MOG: variants seen among roughly 807,000 people sequenced by gnomAD.
The protein encoded by MOG is myelin-oligodendrocyte glycoprotein.
Under a neutral mutation model 35.9 loss-of-function variants are expected in MOG, and 20 were observed. The observed-to-expected ratio is 0.56, with a 90% CI of 0.39 to 0.81. MOG has a LOEUF of 0.81. MOG is among the 30% of genes least tolerant of loss of function. The pLI is 0.00. For synonymous variants in MOG, 92 were observed against 114.3 expected (o/e 0.80, Z 1.25); for missense variants, 251 against 301.0 (o/e 0.83, Z 1.23).
intron 5 of MOG, 134 bp downstream of exon 5, chr6:29,668,058 A>G: frequency 1.2e-6 from 1 of 838,172 alleles, no homozygotes; most frequent in Non-Finnish European, 2.0e-6. Context: ...TTTAAATAAG[A>G]AGTCATTTGC....
intron 3 of MOG, among the ~76,000 whole-genome samples, chr6:29,667,056 C>T (rs1179447543): frequency 6.6e-6 from 1 of 152,216 alleles, no homozygotes; most frequent in East Asian, 1.9e-4. Flanking sequence ...GCCCTCATGG[C>T]TGAGCAGAAA....
In MOG at chr6:29,671,719, A is replaced by C; in HGVS notation, c.*534A>C. ...GAGGATATGAGTAGCCCCAACCCAA[A>C]CCTGGAGATGGGGAGAAACCTACAG... On this transcript the variant is annotated 3_prime_UTR_variant, in exon 8 of 8. Transcript: ENST00000376917. The C allele has an allele frequency of 1.8e-6, 1 of 542,134 alleles. No individual in the cohort carries two copies. The highest frequency in any genetic ancestry group is 3.3e-6 in the Non-Finnish European group (1 of 305,034). 33.6% of individuals were successfully genotyped at this position (542,134 alleles called of 1,614,324 possible). A position where few individuals can be genotyped will look rare whatever the true frequency, so the allele number is the denominator to read the frequency against.
intron 2 of MOG, among the ~76,000 whole-genome samples, chr6:29,665,860 C>T (rs895925624): frequency 3.9e-4 from 59 of 152,000 alleles, no homozygotes; most frequent in African/African-American, 1.4e-3. Flanking sequence ...ATAAAAAGTC[C>T]CTTGAGGGAC....
At chr6:29,659,212 T>C in intron 1 of MOG, 107 bp from the exon 2 acceptor site, 1 of 933,834 alleles carries the variant, frequency 1.1e-6, no homozygotes, top group Non-Finnish European at 1.7e-6. Flanking sequence ...CATTTAAAAG[T>C]CGAGTGTCTT....
In MOG at chr6:29,659,574, G is replaced by A. The variant is rs376255591; in HGVS notation, c.344G>A (p.Arg115Gln). The change falls in exon 2 of 8, where the codon CGG becomes CAG. Residue 115 changes from arginine (R) to glutamine (Q), a missense_variant. Coordinates refer to ENST00000376917, the MANE Select transcript of MOG (RefSeq NM_206809.4). ...IGEGKVTLRI[R>Q]NVRFSDEGGF... ...GAGGGAAAGGTGACTCTCAGGATCC[G>A]GAATGTAAGGTTCTCAGATGAAGGA... The A allele has an allele frequency of 1.7e-5, 27 of 1,612,932 alleles. No individual in the cohort carries two copies. The highest frequency in any genetic ancestry group is 1.5e-4 in the African/African-American group (11 of 74,894).
chr6:29,670,860 A>G lies in MOG; in HGVS notation c.730+139A>G. The G allele has an allele frequency of 1.9e-6, 3 of 1,581,486 alleles. No individual in the cohort carries two copies. The stretch of plus-strand genomic sequence containing the variant: ...GAGCTGGAGAGCCTGGGTGGAGGGA[A>G]GACTCCTCCTGGGAGGTAGAGGGCA... On this transcript the variant is annotated intron_variant, in intron 7 of 7. Coordinates refer to ENST00000376917, the MANE Select transcript of MOG (RefSeq NM_206809.4). This position sits in a 1 kb window ranked among gnomAD's most constrained non-coding sequence, Gnocchi z 4.2.
Position 29,671,316 on chromosome 6 carries a change from A to G in MOG, c.*131A>G, listed in dbSNP as rs1338485300. ...TGGGGACATTCCAATTTGCACTTTCAGGAACACTCTGAATTCCAAGTAGAA... is the reference window on the plus strand; with the variant it reads ...TGGGGACATTCCAATTTGCACTTTCGGGAACACTCTGAATTCCAAGTAGAA... On this transcript the variant is annotated 3_prime_UTR_variant, in exon 8 of 8. Transcript: ENST00000376917. 16 of 1,611,864 alleles carry G rather than the reference A, an allele frequency of 9.9e-6. No individual in the cohort carries two copies. Among genetic ancestry groups the G allele is most frequent in the African/African-American group, 1.3e-5 (1 of 75,028 alleles).
rs192804796 is a variant in MOG at position 29,666,220 on chromosome 6, A to T, written c.505A>T (p.Ile169Phe). 8.6e-5 allele frequency: 139 copies of T among 1,612,824 alleles called. No homozygotes were observed. In the East Asian group the frequency reaches 2.9e-3, roughly 34 times the overall value. ...LAVLPVLLLQ[I>F]TVGLIFLCLQ... is the part of the protein sequence containing the mutation. ...GGTGCTGCCTGTGCTCCTCCTGCAG[A>T]TCACTGTTGGCCTCATCTTCCTCTG... The change falls in exon 3 of 8, where the codon ATC becomes TTC. Residue 169 changes from isoleucine (I) to phenylalanine (F), a missense_variant. Transcript: ENST00000376917.
chr6:29,664,008 C>A, intron 2 of MOG: 1 of 542,034 alleles, frequency 1.8e-6, no homozygotes, highest in Non-Finnish European at 2.3e-6. Context: ...AGGGCTTCAG[C>A]TGCAGCATGG....
In MOG at chr6:29,669,977, G is replaced by A. The variant is rs1293323580; in HGVS notation, c.593-304G>A. 3 of 651,982 alleles carry A rather than the reference G, an allele frequency of 4.6e-6. No homozygotes were observed. The Admixed American group carries it at 7.1e-5, about 15-fold the overall frequency. 40.4% of individuals were successfully genotyped at this position (651,982 alleles called of 1,614,324 possible). A position where few individuals can be genotyped will look rare whatever the true frequency, so the allele number is the denominator to read the frequency against. ...GTAGAGATGGGGTTTCACCATGTTGGCCTGGCTGGTCTTGAACTCTTGGCC... is the reference window on the plus strand; with the variant it reads ...GTAGAGATGGGGTTTCACCATGTTGACCTGGCTGGTCTTGAACTCTTGGCC... On this transcript the variant is annotated intron_variant, in intron 5 of 7. Coordinates refer to ENST00000376917, the MANE Select transcript of MOG (RefSeq NM_206809.4).
At chr6:29,671,029 C>T in intron 7 of MOG, 143 bp from the exon 8 acceptor site, 1 of 1,611,838 alleles carries the variant, frequency 6.2e-7, no homozygotes. Context: ...ACAGCAACTG[C>T]CCAGTGCCTC....
At position 29,667,625 on chromosome 6, in the gene MOG, TG is replaced by T. The variant is rs779467936; in HGVS notation, c.551-17del. The T allele has an allele frequency of 2.7e-5, 44 of 1,613,798 alleles. No individual in the cohort carries two copies. Among genetic ancestry groups the T allele is most frequent in the Non-Finnish European group, 3.4e-5 (40 of 1,179,940 alleles). ...CCAGAACATGCAGGAACTAAAATGTTGCCTTTTTCTATTTTAGGAAAACTTC... is the reference window on the plus strand; with the variant it reads ...CCAGAACATGCAGGAACTAAAATGTTCCTTTTTCTATTTTAGGAAAACTTC... On this transcript the variant is annotated splice_polypyrimidine_tract_variant and intron_variant, in intron 3 of 7. Transcript: ENST00000376917.
intron 1 of MOG, among the ~76,000 whole-genome samples, chr6:29,657,996 T>C (rs1051521208): frequency 1.3e-5 from 2 of 152,220 alleles, no homozygotes; most frequent in Non-Finnish European, 2.9e-5. Context: ...ACTTCTTACT[T>C]GTCTTTCCAG....
Position 29,671,478 on chromosome 6 carries a change from A to G in MOG, c.*293A>G, listed in dbSNP as rs200099456. The G allele has an allele frequency of 1.7e-5, 24 of 1,420,122 alleles. No homozygotes were observed. The highest frequency in any genetic ancestry group is 2.4e-5 in the Non-Finnish European group (24 of 1,004,634). The allele number at this position is 1,420,122 out of a possible 1,614,324, so 88.0% of individuals were successfully genotyped here. Reference sequence around the variant, plus strand: ...ACAGGCAGGTGCCCCTCTCTCCATCAGAGGACACCTGTACTGGAGAGCAAC... The same window carrying G: ...ACAGGCAGGTGCCCCTCTCTCCATCGGAGGACACCTGTACTGGAGAGCAAC... On this transcript the variant is annotated 3_prime_UTR_variant, in exon 8 of 8. Coordinates refer to ENST00000376917, the MANE Select transcript of MOG (RefSeq NM_206809.4).
At position 29,662,191 on chromosome 6, in the gene MOG, A is replaced by G; in HGVS notation, c.436+2525A>G. 1 of 984,962 alleles carries G rather than the reference A, an allele frequency of 1.0e-6. No homozygotes were observed. Among genetic ancestry groups the G allele is most frequent in the Non-Finnish European group, 1.2e-6 (1 of 829,580 alleles). 61.0% of individuals were successfully genotyped at this position (984,962 alleles called of 1,614,324 possible). On this transcript the variant is annotated intron_variant, in intron 2 of 7. Coordinates refer to ENST00000376917, the MANE Select transcript of MOG (RefSeq NM_206809.4). This position sits in a 1 kb window ranked among gnomAD's most constrained non-coding sequence, Gnocchi z 4.2. Reference sequence around the variant, plus strand: ...TTCTTTAAATTCTTCATTATGAAACATAAAAACAAATGCCAGGCGCGGCAG... The same window carrying G: ...TTCTTTAAATTCTTCATTATGAAACGTAAAAACAAATGCCAGGCGCGGCAG...
At chr6:29,658,615 A>G (rs867938428) in intron 1 of MOG, among the ~76,000 whole-genome samples, 2 of 152,222 alleles carry the variant, frequency 1.3e-5, no homozygotes, top group Non-Finnish European at 1.5e-5. Context: ...AAGTCCTAAC[A>G]GGGAGGCCCA....
At chr6:29,667,525 G>A in intron 3 of MOG, 118 bp from the exon 4 acceptor site, 14 of 981,280 alleles carry the variant, frequency 1.4e-5, no homozygotes. Flanking sequence ...CTCTCCTGAG[G>A]TTGTTTCCAG....
In MOG at chr6:29,659,515, G is replaced by C; in HGVS notation, c.285G>C (p.Arg95=). 1 of 1,613,046 alleles carries C rather than the reference G, an allele frequency of 6.2e-7. No homozygotes were observed. The highest frequency in any genetic ancestry group is 1.3e-5 in the African/African-American group (1 of 75,004). ...DQDGDQAPEY[R]GRTELLKDAI... ...ATGGAGACCAGGCACCTGAATATCG[G>C]GGCCGGACAGAGCTGCTGAAAGATG... The change falls in exon 2 of 8, where the codon CGG becomes CGC. Residue 95 remains arginine, a synonymous_variant. Transcript: ENST00000376917.
chr6:29,658,168 CTT>C (rs1470021688), intron 1 of MOG, among the ~76,000 whole-genome samples: 1 of 152,166 alleles, frequency 6.6e-6, no homozygotes, highest in East Asian at 1.9e-4. Flanking sequence ...ATGTTTGAGA[CTT>C]TGCTCTGCAT....
Sources: allele counts gnomAD v4.1 joint callset (sites outside exome capture counted in the v4.1 genomes callset), GRCh38; gene constraint gnomAD v4.1.1; non-coding constraint Gnocchi (gnomAD v3.1); transcripts MANE v1.5; gene names NCBI Gene and HGNC (gene_info 2026-07-23, HGNC 2026-07-21).